FRK: variants seen among roughly 807,000 people sequenced by gnomAD.
The protein encoded by FRK is fyn related Src family tyrosine kinase.
A neutral mutation model predicts 56.4 loss-of-function variants in FRK; 51 were observed. That is an observed-to-expected ratio of 0.90 (90% CI 0.72 to 1.14). FRK has a LOEUF of 1.14. FRK is among the 50% of genes most tolerant of loss of function. FRK has a pLI of 0.00. For missense variants in FRK, 570 were observed against 601.4 expected, an observed-to-expected ratio of 0.95 and a Z score of 0.55; for synonymous variants, 245 against 217.9, an observed-to-expected ratio of 1.12 and a Z score of -1.10.
chr6:116,064,272 C>T (rs1777714785), upstream of FRK, among the ~76,000 whole-genome samples: 1 of 152,288 alleles, frequency 6.6e-6, no homozygotes, highest in Middle Eastern at 3.4e-3. Flanking sequence ...GGCCTCTATG[C>T]ACCCCTAAAT....
chr6:116,001,332 T>G (rs1775058856), intron 2 of FRK, among the ~76,000 whole-genome samples: 1 of 152,100 alleles, frequency 6.6e-6, no homozygotes, highest in Non-Finnish European at 1.5e-5. Flanking sequence ...TACATATGTC[T>G]GTACACATGT....
intron 1 of FRK, among the ~76,000 whole-genome samples, chr6:116,048,614 G>C (rs1368979964): frequency 6.6e-6 from 1 of 151,942 alleles, no homozygotes; most frequent in African/African-American, 2.4e-5. Context: ...TCAAACTCCT[G>C]GGCTCAAGTG....
At chr6:115,990,384 T>G (rs1189170726) in intron 2 of FRK, among the ~76,000 whole-genome samples, 1 of 151,940 alleles carries the variant, frequency 6.6e-6, no homozygotes, top group Non-Finnish European at 1.5e-5. Context: ...TTCCTAGGTT[T>G]TCCTATAGGA....
intron 1 of FRK, among the ~76,000 whole-genome samples, chr6:116,057,372 T>C (rs151078518): frequency 1.8e-3 from 271 of 152,370 alleles, no homozygotes; most frequent in Non-Finnish European, 3.1e-3. Flanking sequence ...GTTAAAGTAC[T>C]GTGTGAGCCA....
intron 5 of FRK, among the ~76,000 whole-genome samples, chr6:115,945,528 AATT>A (rs1481216931): frequency 2.0e-5 from 3 of 152,114 alleles, no homozygotes; most frequent in African/African-American, 7.2e-5. Context: ...TCTTCATGGA[AATT>A]ATTACTCAAC....
the FRK span, among the ~76,000 whole-genome samples, chr6:116,068,379 G>C: frequency 6.6e-6 from 1 of 151,608 alleles, no homozygotes. Context: ...AGCTAATATG[G>C]GCTTAAAAAG....
chr6:116,079,952 T>A, the FRK span, among the ~76,000 whole-genome samples: 1 of 152,134 alleles, frequency 6.6e-6, no homozygotes, highest in African/African-American at 2.4e-5. Flanking sequence ...TCAAAATGAA[T>A]AATTAAAATG....
the FRK span, among the ~76,000 whole-genome samples, chr6:116,088,235 T>C: frequency 1.3e-5 from 2 of 152,208 alleles, no homozygotes; most frequent in African/African-American, 4.8e-5. Context: ...GCCAAGTCCT[T>C]GTCACAGGCT....
chr6:115,948,486 C>T (rs1187737762), intron 5 of FRK, among the ~76,000 whole-genome samples: 2 of 152,222 alleles, frequency 1.3e-5, no homozygotes, highest in Non-Finnish European at 2.9e-5. Context: ...TTACAAGTTT[C>T]TCCAGTGGTT....
chr6:116,023,337 A>T (rs778999909), intron 1 of FRK, among the ~76,000 whole-genome samples: 8 of 152,220 alleles, frequency 5.3e-5, no homozygotes, highest in Admixed American at 4.6e-4. Flanking sequence ...GACTTGCACA[A>T]AAATGTTAAT....
chr6:116,068,479 T>G, the FRK span, among the ~76,000 whole-genome samples: 1 of 152,222 alleles, frequency 6.6e-6, no homozygotes, highest in Admixed American at 6.5e-5. Context: ...CTTCGGAACT[T>G]AGAAGACATC....
chr6:116,090,077 C>A, the FRK span, among the ~76,000 whole-genome samples: 2 of 152,114 alleles, frequency 1.3e-5, no homozygotes, highest in Admixed American at 1.3e-4. Context: ...AAATTTGGGG[C>A]ATTCAAATTT....
intron 1 of FRK, among the ~76,000 whole-genome samples, chr6:116,041,075 G>A (rs905641168): frequency 2.0e-5 from 3 of 151,968 alleles, no homozygotes; most frequent in African/African-American, 7.3e-5. Context: ...ATTTTCCCGG[G>A]ACCTACTAAA....
the FRK span, among the ~76,000 whole-genome samples, chr6:116,066,088 G>T: frequency 6.6e-6 from 1 of 152,302 alleles, no homozygotes. Flanking sequence ...AGGATGCAAA[G>T]TATTGATCCT....
At chr6:115,989,497 C>A (rs1372828175) in intron 2 of FRK, among the ~76,000 whole-genome samples, 6 of 151,772 alleles carry the variant, frequency 4.0e-5, no homozygotes, top group African/African-American at 1.5e-4. Context: ...TTTTTATGTT[C>A]ATGTACCCAT....
At chr6:116,029,286 T>C (rs1776213332) in intron 1 of FRK, among the ~76,000 whole-genome samples, 1 of 152,168 alleles carries the variant, frequency 6.6e-6, no homozygotes, top group African/African-American at 2.4e-5. Context: ...TTTTGTTTAT[T>C]TTCTGCCTCC....
intron 1 of FRK, among the ~76,000 whole-genome samples, chr6:116,056,802 A>T (rs1391606064): frequency 6.6e-6 from 1 of 152,230 alleles, no homozygotes; most frequent in East Asian, 1.9e-4. Flanking sequence ...AATAAATTCA[A>T]GTCGAAGATA....
intron 1 of FRK, among the ~76,000 whole-genome samples, chr6:116,047,293 G>T (rs542478798): frequency 6.6e-6 from 1 of 151,778 alleles, no homozygotes; most frequent in South Asian, 2.1e-4. Flanking sequence ...ATCTGATGCC[G>T]TAGAAAGGGT....
At chr6:116,080,733 A>T in the FRK span, among the ~76,000 whole-genome samples, 1 of 152,166 alleles carries the variant, frequency 6.6e-6, no homozygotes, top group Admixed American at 6.5e-5. Context: ...GAAACATAGA[A>T]GGACTTCTAA....
Sources: gnomAD v4.1 joint callset for allele counts (sites outside exome capture counted in the v4.1 genomes callset) on GRCh38, gnomAD v4.1.1 for gene constraint, MANE v1.5 for transcripts, NCBI Gene and HGNC (gene_info 2026-07-23, HGNC 2026-07-21) for gene names.